The following IL36B variants were observed in gnomAD, a reference collection of about 807,000 sequenced individuals.
IL36B encodes interleukin 36 beta.
IL36B carries 23 observed loss-of-function variants against 19.3 expected under a neutral mutation model. The observed-to-expected ratio is 1.19, with a 90% CI of 0.86 to 1.69. IL36B has a LOEUF of 1.69. IL36B is among the 40% of genes most tolerant of loss of function. IL36B has a pLI of 0.00. For synonymous variants in IL36B, 59 were observed against 59.7 expected, an observed-to-expected ratio of 0.99 and a Z score of 0.05; for missense variants, 217 against 200.5, an observed-to-expected ratio of 1.08 and a Z score of -0.50.
intron 1 of IL36B, among the ~76,000 whole-genome samples, chr2:113,049,720 C>T (rs767217989): frequency 9.9e-5 from 15 of 152,180 alleles, no homozygotes; most frequent in East Asian, 3.9e-4. Context: ...TTTCGGAGGC[C>T]GAGGTGGGCG....
chr2:113,034,025 T>G (rs927638498), intron 1 of IL36B, among the ~76,000 whole-genome samples: 7 of 152,208 alleles, frequency 4.6e-5, no homozygotes, highest in Non-Finnish European at 1.5e-5. Context: ...GAGTCAGATG[T>G]CCACCTAGCA....
intron 5 of IL36B, among the ~76,000 whole-genome samples, chr2:113,023,781 C>T (rs1454229485): frequency 6.6e-6 from 1 of 152,154 alleles, no homozygotes; most frequent in Non-Finnish European, 1.5e-5. Flanking sequence ...GTGACTCAAA[C>T]TAGTAAGGTA....
chr2:113,025,744 G>A (rs1296440900), intron 5 of IL36B, among the ~76,000 whole-genome samples: 6 of 152,202 alleles, frequency 3.9e-5, no homozygotes, highest in Non-Finnish European at 8.8e-5. Context: ...TGTTTGAGAT[G>A]TGTGCAAAGG....
rs971396819 is a variant in IL36B at position 113,044,498 on chromosome 2, G to T, written c.-58+8319C>A. ...TGTAAAGACAAGGTCTCACTATGTTGCCCAGGCTCACTTTGTCTAATATTA... is the reference window on the plus strand; with the variant it reads ...TGTAAAGACAAGGTCTCACTATGTTTCCCAGGCTCACTTTGTCTAATATTA... On this transcript the variant is annotated intron_variant, in intron 1 of 5. Coordinates refer to ENST00000259213, the MANE Select transcript of IL36B (RefSeq NM_014438.5). Among the ~76,000 whole-genome samples the T allele has an allele frequency of 7.2e-5, 11 of 152,100 alleles. No homozygotes were observed. In the East Asian group the frequency reaches 1.2e-3, roughly 16 times the overall value.
Position 113,029,050 on chromosome 2 carries a change from G to C in IL36B, c.150C>G (p.Asp50Glu). 1 of 1,613,574 alleles carries C rather than the reference G, an allele frequency of 6.2e-7. No individual in the cohort carries two copies. The highest frequency in any genetic ancestry group is 8.5e-7 in the Non-Finnish European group (1 of 1,179,696). The change falls in exon 4 of 6, where the codon GAC becomes GAG. Residue 50 changes from aspartate (D) to glutamate (E), a missense_variant. Transcript: ENST00000259213. The stretch of plus-strand genomic sequence containing the variant: ...CCTTTTCCTTGTCACTGAATTCTGT[G>C]TCTCTACAGGCTATTAAATGAAGAG...
chr2:113,027,623 T>C (rs141464901), intron 4 of IL36B: 582 of 1,242,138 alleles, frequency 4.7e-4, no homozygotes, highest in Non-Finnish European at 5.2e-4. Context: ...ATTTGGGGGG[T>C]TGACTAAACT....
chr2:113,040,167 C>T (rs1384597066), intron 1 of IL36B, among the ~76,000 whole-genome samples: 1 of 152,134 alleles, frequency 6.6e-6, no homozygotes, highest in Admixed American at 6.5e-5. Flanking sequence ...AGAAATGCCA[C>T]CTAAATCTTT....
chr2:113,030,964 G>A (rs1232165536), intron 3 of IL36B, 84 bp downstream of exon 3: 2 of 1,004,516 alleles, frequency 2.0e-6, no homozygotes, highest in Non-Finnish European at 3.1e-6. Context: ...TGAGGTCCAG[G>A]GCCAGGCTTA....
chr2:113,030,007 C>T (rs771673800), intron 3 of IL36B, among the ~76,000 whole-genome samples: 5 of 152,064 alleles, frequency 3.3e-5, no homozygotes, highest in Admixed American at 2.0e-4. Context: ...CTGAGGTGGG[C>T]GGATCACGAG....
At chr2:113,046,368 C>A (rs1339671915) in intron 1 of IL36B, among the ~76,000 whole-genome samples, 1 of 152,080 alleles carries the variant, frequency 6.6e-6, no homozygotes, top group African/African-American at 2.4e-5. Context: ...CGCCACCACG[C>A]TCAGCTAATT....
chr2:113,049,675 T>C (rs578051111), intron 1 of IL36B, among the ~76,000 whole-genome samples: 23 of 152,128 alleles, frequency 1.5e-4, no homozygotes, highest in Admixed American at 2.6e-4. Context: ...AGGAATTGGG[T>C]GGGGCGTGAT....
At chr2:113,022,834 C>A in intron 5 of IL36B, 2 of 1,204,658 alleles carry the variant, frequency 1.7e-6, no homozygotes, top group South Asian at 2.4e-5. Context: ...TTTGCTAAAC[C>A]ACCAATTGAA....
intron 1 of IL36B, among the ~76,000 whole-genome samples, chr2:113,037,623 T>C (rs1685186250): frequency 6.6e-6 from 1 of 150,554 alleles, no homozygotes; most frequent in South Asian, 2.1e-4. Flanking sequence ...CACTCCAACC[T>C]GGGCAACAAG....
At chr2:113,031,597 A>ACATTTATAGCTTAGCAAATG in intron 2 of IL36B, 100 bp downstream of exon 2, 9 of 1,049,798 alleles carry the variant, frequency 8.6e-6, no homozygotes, top group Non-Finnish European at 1.3e-5. Flanking sequence ...AAGAGCAAAT[A>ACATTTATAGCTTAGCAAATG]CATTTATAGC....
In IL36B at chr2:113,024,455, C is replaced by T. The variant is rs189360949; in HGVS notation, c.391+1648G>A. Among the ~76,000 whole-genome samples the T allele has an allele frequency of 1.2e-4, 18 of 152,322 alleles. No individual in the cohort carries two copies. The East Asian group carries it at 3.3e-3, about 28-fold the overall frequency. On this transcript the variant is annotated intron_variant, in intron 5 of 5. Transcript: ENST00000259213. ...CTACCTCCTTGCAAGGCTTAGGAAA[C>T]CCACATTGTTTGGGAAGTGCCTTCT...
intron 4 of IL36B, chr2:113,028,078 G>A: frequency 6.2e-7 from 1 of 1,614,118 alleles, no homozygotes; most frequent in South Asian, 1.1e-5. Context: ...GGGCTTCTGT[G>A]CTTTCTTCTC....
intron 1 of IL36B, among the ~76,000 whole-genome samples, chr2:113,048,386 G>A (rs1297788308): frequency 6.6e-6 from 1 of 152,164 alleles, no homozygotes; most frequent in African/African-American, 2.4e-5. Flanking sequence ...AGATTGCAGT[G>A]GACTGAGATC....
In IL36B at chr2:113,031,683, A is replaced by C. The variant is rs757231236; in HGVS notation, c.13+14T>G. Reference sequence around the variant, plus strand: ...TGGAGATATTTCCAAGCTGATTTGCAATTCACCACTTACGTTGTGGGTTCA... The same window carrying C: ...TGGAGATATTTCCAAGCTGATTTGCCATTCACCACTTACGTTGTGGGTTCA... On this transcript the variant is annotated intron_variant, in intron 2 of 5. Coordinates refer to ENST00000259213, the MANE Select transcript of IL36B (RefSeq NM_014438.5). 1.2e-6 allele frequency: 2 copies of C among 1,607,418 alleles called. No individual in the cohort carries two copies. Among genetic ancestry groups the C allele is most frequent in the Admixed American group, 1.7e-5 (1 of 59,998 alleles).
chr2:113,028,074 C>A, intron 4 of IL36B: 1 of 1,614,116 alleles, frequency 6.2e-7, no homozygotes. Context: ...GAAAGGGCTT[C>A]TGTGCTTTCT....
Sources: allele counts gnomAD v4.1 joint callset (sites outside exome capture counted in the v4.1 genomes callset), GRCh38; gene constraint gnomAD v4.1.1; transcripts MANE v1.5; gene names NCBI Gene and HGNC (gene_info 2026-07-23, HGNC 2026-07-21).